The following NTHL1 variants were observed in gnomAD, a reference collection of about 807,000 sequenced individuals.
The protein encoded by NTHL1 is endonuclease III-like protein 1.
In NTHL1, 32 loss-of-function variants were observed where a neutral mutation model predicts 32.3. That is an observed-to-expected ratio of 0.99 (90% CI 0.75 to 1.33). NTHL1 has a LOEUF of 1.33. NTHL1 is among the 40% of genes most tolerant of loss of function. NTHL1 has a pLI of 0.00. For synonymous variants in NTHL1, 188 were observed against 176.9 expected, an observed-to-expected ratio of 1.06 and a Z score of -0.50; for missense variants, 501 against 414.1, an observed-to-expected ratio of 1.21 and a Z score of -1.82.
chr16:2,046,231 C>A lies in NTHL1; in HGVS notation c.251G>T (p.Trp84Leu), dbSNP rs1375251505. 1 of 1,613,264 alleles carries A rather than the reference C, an allele frequency of 6.2e-7. No individual in the cohort carries two copies. The highest frequency in any genetic ancestry group is 1.7e-5 in the Admixed American group (1 of 60,020). ...LKVPVWEPQD[W>L]QQQLVNIRAM... ...ACGGATGTTGACCAGCTGTTGCTGC[C>A]AGTCCTGGGGCTCCCAGACTGGCAC... Residue 84 changes from tryptophan to leucine, a missense_variant, in exon 2 of 6, where the codon TGG becomes TTG. Transcript: ENST00000651570.
Position 2,040,052 on chromosome 16 carries a change from G to T in NTHL1, c.792-5C>A. 1 of 1,612,564 alleles carries T rather than the reference G, an allele frequency of 6.2e-7. No homozygotes were observed. The highest frequency in any genetic ancestry group is 8.5e-7 in the Non-Finnish European group (1 of 1,180,006). On this transcript the variant is annotated splice_region_variant and splice_polypyrimidine_tract_variant and intron_variant, in intron 5 of 5. Transcript: ENST00000651570. ...TTGATCTCGTGCCACAGCTCCCTGTGGGGGTGGGGGCTGGGTCAGTGCTGA... is the reference window on the plus strand; with the variant it reads ...TTGATCTCGTGCCACAGCTCCCTGTTGGGGTGGGGGCTGGGTCAGTGCTGA...
intron 4 of NTHL1, chr16:2,042,154 G>A (rs1002333412): frequency 6.6e-6 from 3 of 453,068 alleles, no homozygotes; most frequent in Non-Finnish European, 1.3e-5. Context: ...CACCTGGAGA[G>A]GGAGGTATTT....
At position 2,040,319 on chromosome 16, in the gene NTHL1, G is replaced by T. The variant is rs1434589644; in HGVS notation, c.686-81C>A. 6 of 1,289,940 alleles carry T rather than the reference G, an allele frequency of 4.7e-6. No homozygotes were observed. The Admixed American group carries it at 8.4e-5, about 18-fold the overall frequency. 79.9% of individuals were successfully genotyped at this position (1,289,940 alleles called of 1,614,324 possible). On this transcript the variant is annotated intron_variant, in intron 4 of 5. Transcript: ENST00000651570. ...CCCCTCCCCGCCCAGAGGCGAGTCT[G>T]CCACCACCCCCGTGGCCCTCCAGTT...
chr16:2,042,381 A>C (rs927764104), intron 4 of NTHL1, among the ~76,000 whole-genome samples: 1 of 152,092 alleles, frequency 6.6e-6, no homozygotes, highest in African/African-American at 2.4e-5. Flanking sequence ...GCCCCGGCGC[A>C]CCTGGCCTGG....
rs1034291686 is a variant in NTHL1, at chr16:2,047,753, C to A, written c.71G>T (p.Cys24Phe). The A allele has an allele frequency of 6.3e-7, 1 of 1,586,436 alleles. No homozygotes were observed. Among genetic ancestry groups the A allele is most frequent in the Non-Finnish European group, 8.5e-7 (1 of 1,172,174 alleles). ...CCGGAGAGGCCCGGGCTCCTCCCTA[C>A]ACCCCCGCGGCCCAGCCCCGGGTCC... is the stretch of plus-strand genomic sequence containing the variant. ...SLGPGAGPRG[C>F]REEPGPLRRR... The change falls in exon 1 of 6, where the codon TGT becomes TTT. Residue 24 changes from cysteine to phenylalanine, a missense_variant. Cys to Phe is a radical substitution (Grantham distance 205, BLOSUM62 -2). Transcript: ENST00000651570.
chr16:2,040,329 C>T, intron 4 of NTHL1, 91 bp from the exon 5 acceptor site: 5 of 1,150,292 alleles, frequency 4.3e-6, no homozygotes, highest in Non-Finnish European at 6.5e-6. Flanking sequence ...GCCACCACCC[C>T]CGTGGCCCTC....
chr16:2,039,953 C>G lies in NTHL1; in HGVS notation c.886G>C (p.Ala296Pro). The change falls in exon 6 of 6, where the codon GCC (alanine) becomes CCC (proline). Residue 296 changes from alanine (A) to proline (P), a missense_variant. Transcript: ENST00000651570. ...AGACCCTGGGCGGCCGGGCAGAGGG[C>G]TTGGTTGAGGCAGGCGTGGCAGCGA... ...HPRCHACLNQ[A>P]LCPAAQGL 1 of 1,606,384 alleles carries G rather than the reference C, an allele frequency of 6.2e-7. No homozygotes were observed.
Position 2,044,026 on chromosome 16 carries a change from C to A in NTHL1, c.526-300G>T, listed in dbSNP as rs2084306251. ...GGCCAGGCCAAGCAGGCCAGCCGCT[C>A]CCAGGAGTGGGGCTTGGCTGCACCT... On this transcript the variant is annotated intron_variant, in intron 3 of 5. Coordinates refer to ENST00000651570, the MANE Select transcript of NTHL1 (RefSeq NM_002528.7). This position sits in a 1 kb window ranked among gnomAD's most constrained non-coding sequence, Gnocchi z 5.0. The A allele has an allele frequency of 6.4e-6, 3 of 467,702 alleles. No homozygotes were observed. The East Asian group carries it at 1.2e-4, about 19-fold the overall frequency. 29.0% of individuals were successfully genotyped at this position (467,702 alleles called of 1,614,324 possible).
Position 2,040,248 on chromosome 16 carries a change from G to T in NTHL1, c.686-10C>A. 6.2e-7 allele frequency: 1 copy of T among 1,612,070 alleles called. No individual in the cohort carries two copies. Among genetic ancestry groups the T allele is most frequent in the East Asian group, 2.2e-5 (1 of 44,876 alleles). ...ACATGCGTGTCCACTGCTGCTGGGA[G>T]GCCAAGCGGGGTGAACAGGGGCACA... On this transcript the variant is annotated splice_polypyrimidine_tract_variant and intron_variant, in intron 4 of 5. Coordinates refer to ENST00000651570, the MANE Select transcript of NTHL1 (RefSeq NM_002528.7).
At chr16:2,046,003 C>A in intron 2 of NTHL1, 125 bp downstream of exon 2, 1 of 749,938 alleles carries the variant, frequency 1.3e-6, no homozygotes, top group African/African-American at 1.7e-5. Flanking sequence ...TCTGGGGCAC[C>A]GGGTGTCCAT....
Position 2,043,919 on chromosome 16 carries a change from C to T in NTHL1, c.526-193G>A. On this transcript the variant is annotated intron_variant, in intron 3 of 5. Coordinates refer to ENST00000651570, the MANE Select transcript of NTHL1 (RefSeq NM_002528.7). The surrounding 1 kb of genome is among the most constrained non-coding windows in gnomAD (Gnocchi z 4.4). ...GGAGGCCCAAGGTAGGCCTGACCCC[C>T]TCCTCCCACCCGTGTGGGCCAATGA... 1 of 625,438 alleles carries T rather than the reference C, an allele frequency of 1.6e-6. No homozygotes were observed. Among genetic ancestry groups the T allele is most frequent in the Non-Finnish European group, 2.8e-6 (1 of 352,198 alleles). 38.7% of individuals were successfully genotyped at this position (625,438 alleles called of 1,614,324 possible).
In NTHL1 at chr16:2,044,170, G is replaced by A. The variant is rs1490296487; in HGVS notation, c.526-444C>T. 1.6e-5 allele frequency: 5 copies of A among 320,512 alleles called. No homozygotes were observed. Among genetic ancestry groups the A allele is most frequent in the Non-Finnish European group, 3.0e-5 (5 of 165,992 alleles). The allele number at this position is 320,512 out of a possible 1,614,324, so 19.9% of individuals were successfully genotyped here. ...ATTTAAAACCCATCTGAGAAACTGCGGCCCACGCGGGTGCCAAGGGGAAGC... is the reference window on the plus strand; with the variant it reads ...ATTTAAAACCCATCTGAGAAACTGCAGCCCACGCGGGTGCCAAGGGGAAGC... On this transcript the variant is annotated intron_variant, in intron 3 of 5. Coordinates refer to ENST00000651570, the MANE Select transcript of NTHL1 (RefSeq NM_002528.7). This position sits in a 1 kb window ranked among gnomAD's most constrained non-coding sequence, Gnocchi z 5.0.
intron 4 of NTHL1, among the ~76,000 whole-genome samples, chr16:2,042,723 G>A (rs1183776487): frequency 1.3e-5 from 2 of 151,968 alleles, no homozygotes; most frequent in African/African-American, 4.8e-5. Flanking sequence ...CCGGTGCTAG[G>A]AAGAGACACC....
chr16:2,047,809 G>T lies in NTHL1; in HGVS notation c.15C>A (p.Ser5Arg), dbSNP rs1596228346. 2 of 1,592,376 alleles carry T rather than the reference G, an allele frequency of 1.3e-6. No individual in the cohort carries two copies. Among genetic ancestry groups the T allele is most frequent in the Non-Finnish European group, 1.7e-6 (2 of 1,174,652 alleles). Reference sequence around the variant, plus strand: ...TCCGGCTCCGGGTCAGCATCCTCGCGCTCAAGGCGGTCATGCCGGACTCCT... The same window carrying T: ...TCCGGCTCCGGGTCAGCATCCTCGCTCTCAAGGCGGTCATGCCGGACTCCT... MTAL[S>R]ARMLTRSRSL... The change falls in exon 1 of 6, where the codon AGC becomes AGA. Residue 5 changes from serine (S) to arginine (R), a missense_variant. Transcript: ENST00000651570.
In NTHL1 at chr16:2,042,797, C is replaced by T. The variant is rs370556789; in HGVS notation, c.685+770G>A. 1.2e-3 allele frequency among the ~76,000 whole-genome samples: 156 copies of T among 132,228 alleles called. No homozygotes were observed. The East Asian group carries it at 0.022, about 19-fold the overall frequency. 86.7% of individuals were successfully genotyped at this position (132,228 alleles called of 152,430 possible). A position where few individuals can be genotyped will look rare whatever the true frequency, so the allele number is the denominator to read the frequency against. ...AGTGCCTCCCTCCCCACCCTCCCCT[C>T]TTCTCCCTCTCAACCCTCCCCTCTT... On this transcript the variant is annotated intron_variant, in intron 4 of 5. Transcript: ENST00000651570.
In NTHL1 at chr16:2,046,377, C is replaced by A. The variant is rs749856369; in HGVS notation, c.116-11G>T. ...GGCTTTTCCTCGCTTCTGCAAAAAGCACCACGCAGTCCCTCTGGTGGGGCC... is the reference window on the plus strand; with the variant it reads ...GGCTTTTCCTCGCTTCTGCAAAAAGAACCACGCAGTCCCTCTGGTGGGGCC... On this transcript the variant is annotated splice_polypyrimidine_tract_variant and intron_variant, in intron 1 of 5. Transcript: ENST00000651570. 16 of 1,602,278 alleles carry A rather than the reference C, an allele frequency of 1.0e-5. No homozygotes were observed. The Admixed American group carries it at 2.7e-4, about 27-fold the overall frequency.
At position 2,042,275 on chromosome 16, in the gene NTHL1, C is replaced by A. The variant is rs3211982; in HGVS notation, c.685+1292G>T. On this transcript the variant is annotated intron_variant, in intron 4 of 5. Coordinates refer to ENST00000651570, the MANE Select transcript of NTHL1 (RefSeq NM_002528.7). ...CAACCACGATGCAGCACCCCAGGGA[C>A]ACGGGCAGCTGAGGACAGCCGCCCA... is the stretch of plus-strand genomic sequence containing the variant. 2.1e-3 allele frequency: 754 copies of A among 358,512 alleles called. 3 individuals are homozygous for A. Among genetic ancestry groups the A allele is most frequent in the Middle Eastern group, 0.016 (25 of 1,602 alleles). 22.2% of individuals were successfully genotyped at this position (358,512 alleles called of 1,614,324 possible). A position where few individuals can be genotyped will look rare whatever the true frequency, so the allele number is the denominator to read the frequency against.
chr16:2,044,954 G>A lies in NTHL1; in HGVS notation c.355-154C>T. The A allele has an allele frequency of 1.3e-6, 1 of 745,912 alleles. No individual in the cohort carries two copies. Among genetic ancestry groups the A allele is most frequent in the Non-Finnish European group, 2.1e-6 (1 of 469,690 alleles). The allele number at this position is 745,912 out of a possible 1,614,324, so 46.2% of individuals were successfully genotyped here. On this transcript the variant is annotated intron_variant, in intron 2 of 5. Coordinates refer to ENST00000651570, the MANE Select transcript of NTHL1 (RefSeq NM_002528.7). This position sits in a 1 kb window ranked among gnomAD's most constrained non-coding sequence, Gnocchi z 5.0. Reference sequence around the variant, plus strand: ...CTGTGGGGTGGGGAGGTCTGGTTTGGGTATGTTTGGTCATCTACAACACCA... The same window carrying A: ...CTGTGGGGTGGGGAGGTCTGGTTTGAGTATGTTTGGTCATCTACAACACCA...
rs1169048585 is a variant in NTHL1, at chr16:2,044,753, G to C, written c.402C>G (p.Thr134=). 1.9e-6 allele frequency: 3 copies of C among 1,612,048 alleles called. No homozygotes were observed. Among genetic ancestry groups the C allele is most frequent in the Admixed American group, 1.7e-5 (1 of 59,924 alleles). ...TGGCGCCCGCCGTCACCTGGTCTTTGGTTTGGCTGGAGAGCATCAGTGACA... is the reference window on the plus strand; with the variant it reads ...TGGCGCCCGCCGTCACCTGGTCTTTCGTTTGGCTGGAGAGCATCAGTGACA... ...VLLSLMLSSQ[T]KDQVTAGAMQ... The change falls in exon 3 of 6, where the codon ACC becomes ACG. Residue 134 remains threonine, a synonymous_variant. Transcript: ENST00000651570. This position sits in a 1 kb window ranked among gnomAD's most constrained non-coding sequence, Gnocchi z 5.0.
Sources: gnomAD v4.1 joint callset for allele counts (sites outside exome capture counted in the v4.1 genomes callset) on GRCh38, gnomAD v4.1.1 for gene constraint, Gnocchi (gnomAD v3.1) non-coding constraint, MANE v1.5 for transcripts, NCBI Gene and HGNC (gene_info 2026-07-23, HGNC 2026-07-21) for gene names.